ABL2: variants seen among roughly 807,000 people sequenced by gnomAD.
ABL2 encodes the protein ABL proto-oncogene 2, non-receptor tyrosine kinase.
Under a neutral mutation model 107.7 loss-of-function variants are expected in ABL2, and 49 were observed. That is an observed-to-expected ratio of 0.45 (90% CI 0.36 to 0.58). The LOEUF is 0.58. ABL2 is among the 20% of genes least tolerant of loss of function. The probability of loss-of-function intolerance (pLI) is 0.00; values close to 1 mark genes in which losing one functional copy is unlikely to be tolerated. For missense variants in ABL2, 1,245 were observed against 1,457.0 expected (o/e 0.85, Z 2.37); for synonymous variants, 549 against 548.6 (o/e 1.00, Z -0.01).
At chr1:179,175,210 C>T (rs1242683377) in intron 1 of ABL2, among the ~76,000 whole-genome samples, 3 of 151,912 alleles carry the variant, frequency 2.0e-5, no homozygotes, top group African/African-American at 4.8e-5. Flanking sequence ...CTTTTTATTT[C>T]GAAACCAGGA....
At chr1:179,193,982 T>C (rs1218544575) in intron 1 of ABL2, among the ~76,000 whole-genome samples, 1 of 152,148 alleles carries the variant, frequency 6.6e-6, no homozygotes, top group Non-Finnish European at 1.5e-5. Context: ...TTTTAAGTGA[T>C]AGCAACAACT....
chr1:179,176,618 T>C (rs1460622680), intron 1 of ABL2, among the ~76,000 whole-genome samples: 1 of 152,062 alleles, frequency 6.6e-6, no homozygotes, highest in Non-Finnish European at 1.5e-5. Flanking sequence ...ATATCTGGCA[T>C]ATTCAAGTGC....
intron 4 of ABL2, among the ~76,000 whole-genome samples, chr1:179,124,715 C>T (rs968927841): frequency 3.9e-5 from 6 of 152,070 alleles, no homozygotes; most frequent in Non-Finnish European, 8.8e-5. Context: ...AGGCCCACCT[C>T]GGCCTCCCAA....
Position 179,109,034 on chromosome 1 carries a change from A to AG in ABL2, c.2232_2233insC (p.Trp745LeufsTer23). ...GTAAAGAAGCCTGTGATGCCAGACC[A>AG]CCCACCCCCAGCAGTGCCACTGCCC... On this transcript the variant is annotated frameshift_variant, in exon 12 of 12. Transcript: ENST00000502732. LOFTEE classifies it high-confidence loss of function. 2.8e-6 allele frequency: 4 copies of AG among 1,431,838 alleles called. No homozygotes were observed. Among genetic ancestry groups the AG allele is most frequent in the Non-Finnish European group, 3.8e-6 (4 of 1,047,406 alleles). The allele number at this position is 1,431,838 out of a possible 1,614,324, so 88.7% of individuals were successfully genotyped here. A position where few individuals can be genotyped will look rare whatever the true frequency, so the allele number is the denominator to read the frequency against.
At chr1:179,127,303 C>T (rs1380224666) in intron 3 of ABL2, among the ~76,000 whole-genome samples, 1 of 152,166 alleles carries the variant, frequency 6.6e-6, no homozygotes, top group East Asian at 1.9e-4. Flanking sequence ...ACAATCCCTT[C>T]CAGAATGCAA....
At chr1:179,218,417 G>A (rs1662697572) in intron 1 of ABL2, among the ~76,000 whole-genome samples, 1 of 145,284 alleles carries the variant, frequency 6.9e-6, no homozygotes, top group Non-Finnish European at 1.5e-5. Context: ...TTCTTTTTTT[G>A]AGACAGTCTC....
intron 1 of ABL2, among the ~76,000 whole-genome samples, chr1:179,174,027 C>T (rs144228750): frequency 1.8e-4 from 28 of 152,280 alleles, no homozygotes; most frequent in East Asian, 7.7e-4. Flanking sequence ...CGGTGGCTCA[C>T]GCCTTTAATC....
chr1:179,108,585 ATTC>A lies in ABL2; in HGVS notation c.2679_2681del (p.Lys893del). 6.2e-7 allele frequency: 1 copy of A among 1,613,900 alleles called. No homozygotes were observed. Among genetic ancestry groups the A allele is most frequent in the Non-Finnish European group, 8.5e-7 (1 of 1,179,970 alleles). On this transcript the variant is annotated inframe_deletion, in exon 12 of 12. Transcript: ENST00000502732. ...CAGCCATCCCAAGTCGTGCCCCACCATTCTTCTCTTTACCCTTGGGGGCAGCTG... is the reference window on the plus strand; with the variant it reads ...CAGCCATCCCAAGTCGTGCCCCACCATTCTCTTTACCCTTGGGGGCAGCTG...
intron 1 of ABL2, among the ~76,000 whole-genome samples, chr1:179,157,360 G>A (rs948768958): frequency 3.3e-5 from 5 of 152,014 alleles, no homozygotes; most frequent in African/African-American, 9.7e-5. Flanking sequence ...AGCTGGGCCC[G>A]ATGGCGTGTG....
At chr1:179,140,606 C>T (rs1485972827) in intron 1 of ABL2, among the ~76,000 whole-genome samples, 3 of 152,098 alleles carry the variant, frequency 2.0e-5, no homozygotes, top group African/African-American at 7.2e-5. Context: ...AAGAGGCTCT[C>T]AAAAAAGATT....
At chr1:179,152,366 C>T (rs1191111388) in intron 1 of ABL2, among the ~76,000 whole-genome samples, 1 of 152,184 alleles carries the variant, frequency 6.6e-6, no homozygotes, top group African/African-American at 2.4e-5. Flanking sequence ...TTTCCCAAAG[C>T]TACATAAAAT....
chr1:179,102,212 C>A lies in ABL2; in HGVS notation c.*5506G>T. 1.2e-5 allele frequency: 2 copies of A among 171,164 alleles called. No individual in the cohort carries two copies. Among genetic ancestry groups the A allele is most frequent in the East Asian group, 2.1e-4 (2 of 9,466 alleles). The allele number at this position is 171,164 out of a possible 1,614,324, so 10.6% of individuals were successfully genotyped here. A position where few individuals can be genotyped will look rare whatever the true frequency, so the allele number is the denominator to read the frequency against. ...ATTTTTAGTAGAGGTGGGGTTTCAC[C>A]GTGTTAGCCAGGATGGTCTCAATCT... On this transcript the variant is annotated 3_prime_UTR_variant, in exon 12 of 12. Coordinates refer to ENST00000502732, the MANE Select transcript of ABL2 (RefSeq NM_007314.4).
At chr1:179,143,212 G>C (rs1019083892) in intron 1 of ABL2, 2 of 961,294 alleles carry the variant, frequency 2.1e-6, no homozygotes, top group African/African-American at 1.7e-5. Flanking sequence ...AGTGGGTGGA[G>C]AGTGACCTAA....
At chr1:179,176,915 C>T (rs554000994) in intron 1 of ABL2, among the ~76,000 whole-genome samples, 181 of 151,958 alleles carry the variant, frequency 1.2e-3, no homozygotes, top group Non-Finnish European at 1.5e-3. Flanking sequence ...AGGCTGGTCT[C>T]GAACTCCTGA....
intron 2 of ABL2, among the ~76,000 whole-genome samples, chr1:179,132,154 A>T (rs983355127): frequency 6.6e-6 from 1 of 152,214 alleles, no homozygotes; most frequent in Non-Finnish European, 1.5e-5. Flanking sequence ...TTTAAACTCT[A>T]TTTTGTTTTC....
Position 179,121,864 on chromosome 1 carries a change from A to T in ABL2, c.691T>A (p.Tyr231Asn), listed in dbSNP as rs1655231164. 1.2e-6 allele frequency: 2 copies of T among 1,600,274 alleles called. No individual in the cohort carries two copies. Among genetic ancestry groups the T allele is most frequent in the Non-Finnish European group, 1.7e-6 (2 of 1,174,404 alleles). Residue 231 changes from tyrosine to asparagine, a missense_variant, in exon 5 of 12, where the codon TAT (tyrosine) becomes AAT (asparagine). Around this residue, in one of 3 missense-constraint regions of ABL2, gnomAD observed 320 missense variants for 547.0 expected, o/e 0.59. Coordinates refer to ENST00000502732, the MANE Select transcript of ABL2 (RefSeq NM_007314.4). Reference protein sequence around the residue: ...RINTTADGKVYVTAESRFSTL... With the variant: ...RINTTADGKVNVTAESRFSTL... ...CTGAAGCGGCTCTCAGCAGTCACAT[A>T]CACCTGGTAAGAAAAGGAGAAAAGC...
intron 1 of ABL2, among the ~76,000 whole-genome samples, chr1:179,151,129 G>A (rs962144280): frequency 1.3e-5 from 2 of 152,018 alleles, no homozygotes; most frequent in Non-Finnish European, 2.9e-5. Flanking sequence ...CTCATTTTAT[G>A]GTGATACTCA....
intron 3 of ABL2, among the ~76,000 whole-genome samples, chr1:179,127,527 A>G (rs537560642): frequency 6.6e-6 from 1 of 152,366 alleles, no homozygotes; most frequent in Non-Finnish European, 1.5e-5. Flanking sequence ...AGACTTCAAC[A>G]TATAACTTGC....
Position 179,103,679 on chromosome 1 carries a change from G to A in ABL2, c.*4039C>T. ...CACATTCAAGCCCCTTAAGGTCAAA[G>A]TGTCAGGAGCATGTGCTTTAGAAAG... is the stretch of plus-strand genomic sequence containing the variant. On this transcript the variant is annotated 3_prime_UTR_variant, in exon 12 of 12. Transcript: ENST00000502732. 1 of 225,956 alleles carries A rather than the reference G, an allele frequency of 4.4e-6. No homozygotes were observed. The highest frequency in any genetic ancestry group is 8.8e-6 in the Non-Finnish European group (1 of 113,296). 14.0% of individuals were successfully genotyped at this position (225,956 alleles called of 1,614,324 possible).
Sources: gnomAD v4.1 joint callset for allele counts (sites outside exome capture counted in the v4.1 genomes callset) on GRCh38, gnomAD v4.1.1 for gene constraint, gnomAD v4.1.1 regional missense constraint, MANE v1.5 for transcripts, NCBI Gene and HGNC (gene_info 2026-07-23, HGNC 2026-07-21) for gene names.